FAM135B: variants seen among roughly 807,000 people sequenced by gnomAD.
FAM135B encodes family with sequence similarity 135 member B.
FAM135B carries 43 observed loss-of-function variants against 127.7 expected under a neutral mutation model. That is an observed-to-expected ratio of 0.34 (90% CI 0.26 to 0.43). The LOEUF is 0.43. Among genes scored for constraint, FAM135B ranks in the 20% least tolerant of loss-of-function variants. The pLI is 1.00. For missense variants in FAM135B, 1,558 were observed against 1,725.6 expected (o/e 0.90, Z 1.72); for synonymous variants, 670 against 665.1 (o/e 1.01, Z -0.11).
chr8:138,473,213 A>C (rs1032109970), intron 1 of FAM135B, among the ~76,000 whole-genome samples: 6 of 152,174 alleles, frequency 3.9e-5, no homozygotes, highest in African/African-American at 2.4e-5. Context: ...GTGAGCACTA[A>C]GAATAAAACA....
intron 9 of FAM135B, among the ~76,000 whole-genome samples, chr8:138,194,060 C>T (rs1486545345): frequency 1.3e-5 from 2 of 152,206 alleles, no homozygotes; most frequent in African/African-American, 4.8e-5. Context: ...AGAGTCGGAG[C>T]ATATGAGCCC....
At chr8:138,452,250 C>A (rs1836535794) in intron 1 of FAM135B, among the ~76,000 whole-genome samples, 1 of 151,650 alleles carries the variant, frequency 6.6e-6, no homozygotes, top group South Asian at 2.1e-4. Flanking sequence ...CCACCTCAGC[C>A]TCTCAAGTAG....
chr8:138,167,366 T>C (rs978339043), intron 12 of FAM135B, among the ~76,000 whole-genome samples: 2 of 152,078 alleles, frequency 1.3e-5, no homozygotes, highest in African/African-American at 4.8e-5. Context: ...CAGCTCATTT[T>C]TGTATTTTTA....
intron 2 of FAM135B, among the ~76,000 whole-genome samples, chr8:138,349,166 G>C (rs1435137601): frequency 6.6e-6 from 1 of 152,250 alleles, no homozygotes; most frequent in Non-Finnish European, 1.5e-5. Flanking sequence ...TGCCCCTTGT[G>C]AAGTAGCAGC....
At chr8:138,353,614 CT>C in intron 2 of FAM135B, among the ~76,000 whole-genome samples, 1 of 152,146 alleles carries the variant, frequency 6.6e-6, no homozygotes, top group East Asian at 1.9e-4. Context: ...CTTCATAATA[CT>C]GGCTCTGGAG....
At position 138,252,926 on chromosome 8, in the gene FAM135B, A is replaced by T. The variant is rs1821804354; in HGVS notation, c.369-1912T>A. Among the ~76,000 whole-genome samples the T allele has an allele frequency of 2.0e-5, 3 of 152,038 alleles. No individual in the cohort carries two copies. The South Asian group carries it at 6.2e-4, about 32-fold the overall frequency. ...GCAATTGTCCCACCTCACCCTCCCA[A>T]GTAGCTGGGATTACAAGTGTGCACC... On this transcript the variant is annotated intron_variant, in intron 5 of 19. Coordinates refer to ENST00000395297, the MANE Select transcript of FAM135B (RefSeq NM_015912.4).
chr8:138,191,530 G>A (rs957715453), intron 9 of FAM135B, among the ~76,000 whole-genome samples: 3 of 152,148 alleles, frequency 2.0e-5, no homozygotes, highest in African/African-American at 7.2e-5. Context: ...AGCAGTAGAA[G>A]TTCCAGAGTG....
At chr8:138,316,447 T>A (rs1344620782) in intron 2 of FAM135B, among the ~76,000 whole-genome samples, 1 of 150,916 alleles carries the variant, frequency 6.6e-6, no homozygotes, top group Non-Finnish European at 1.5e-5. Context: ...TGAGCGGAGA[T>A]CGCGCCACAG....
chr8:138,167,760 T>C, intron 12 of FAM135B, 135 bp downstream of exon 12: 1 of 1,029,312 alleles, frequency 9.7e-7, no homozygotes, highest in Non-Finnish European at 1.4e-6. Context: ...CATTACTTTG[T>C]TTCCTCTCTA....
intron 10 of FAM135B, among the ~76,000 whole-genome samples, chr8:138,177,624 G>A (rs986357910): frequency 6.6e-6 from 1 of 152,122 alleles, no homozygotes; most frequent in Non-Finnish European, 1.5e-5. Context: ...CCCACACTTG[G>A]TTTATGAACA....
chr8:138,221,346 A>G (rs1014636984), intron 7 of FAM135B, among the ~76,000 whole-genome samples: 2 of 152,052 alleles, frequency 1.3e-5, no homozygotes, highest in African/African-American at 4.8e-5. Flanking sequence ...TCTCCTGAGA[A>G]CTCACTCACT....
intron 1 of FAM135B, among the ~76,000 whole-genome samples, chr8:138,370,736 C>A (rs1211621106): frequency 2.6e-5 from 4 of 152,198 alleles, no homozygotes; most frequent in African/African-American, 9.7e-5. Flanking sequence ...AGGCATGAAC[C>A]ACCATGCTCT....
At chr8:138,213,291 T>A (rs1818280197) in intron 7 of FAM135B, among the ~76,000 whole-genome samples, 2 of 152,150 alleles carry the variant, frequency 1.3e-5, no homozygotes, top group South Asian at 4.1e-4. Flanking sequence ...CACCGTACGA[T>A]CACTACGTAA....
At chr8:138,446,927 A>G (rs930965313) in intron 1 of FAM135B, among the ~76,000 whole-genome samples, 1 of 152,244 alleles carries the variant, frequency 6.6e-6, no homozygotes, top group Non-Finnish European at 1.5e-5. Context: ...GCTAATATCC[A>G]GAATCTACAG....
At chr8:138,230,896 C>A (rs1819855560) in intron 7 of FAM135B, among the ~76,000 whole-genome samples, 1 of 152,144 alleles carries the variant, frequency 6.6e-6, no homozygotes, top group African/African-American at 2.4e-5. Context: ...TGTTTCTGGT[C>A]TCCTAGTAAA....
intron 1 of FAM135B, among the ~76,000 whole-genome samples, chr8:138,484,670 C>T (rs1044015479): frequency 6.6e-5 from 10 of 151,996 alleles, no homozygotes; most frequent in African/African-American, 1.7e-4. Flanking sequence ...GTTAATCTGT[C>T]GCTGAAAAAT....
rs35925384 is a variant in FAM135B at position 138,151,723 on chromosome 8, G to C, written c.2752C>G (p.Leu918Val). 1 of 1,614,202 alleles carries C rather than the reference G, an allele frequency of 6.2e-7. No homozygotes were observed. Among genetic ancestry groups the C allele is most frequent in the South Asian group, 1.1e-5 (1 of 91,074 alleles). The change falls in exon 13 of 20, where the codon CTT becomes GTT. Residue 918 changes from leucine to valine, a missense_variant. Leu to Val is a conservative substitution (Grantham distance 32, BLOSUM62 1). Transcript: ENST00000395297. The stretch of plus-strand genomic sequence containing the variant: ...ACCTCTGAGATGCCACTGTTGGAAA[G>C]AGCTTGCTGACCCACATTCAAGTCT... ...PKDLNVGQQA[L>V]SNSGISEVEG...
intron 1 of FAM135B, among the ~76,000 whole-genome samples, chr8:138,443,993 G>T (rs538945397): frequency 2.6e-5 from 4 of 152,130 alleles, no homozygotes; most frequent in African/African-American, 4.8e-5. Flanking sequence ...AAGGGCAGGG[G>T]TTGCAATCCT....
At chr8:138,394,166 C>A (rs752750415) in intron 1 of FAM135B, among the ~76,000 whole-genome samples, 3 of 152,184 alleles carry the variant, frequency 2.0e-5, no homozygotes, top group East Asian at 1.9e-4. Context: ...AGGGGACATA[C>A]CCTCATATCA....
Sources: allele counts gnomAD v4.1 joint callset (sites outside exome capture counted in the v4.1 genomes callset), GRCh38; gene constraint gnomAD v4.1.1; transcripts MANE v1.5; gene names NCBI Gene and HGNC (gene_info 2026-07-23, HGNC 2026-07-21).